The following SLC17A1 variants were observed in gnomAD, a reference collection of about 807,000 sequenced individuals.
SLC17A1 encodes the protein sodium-dependent phosphate transport protein 1.
In SLC17A1, 51 loss-of-function variants were observed where a neutral mutation model predicts 53.5. That is an observed-to-expected ratio of 0.95 (90% CI 0.76 to 1.20). SLC17A1 has a LOEUF of 1.20. SLC17A1 is among the 50% of genes most tolerant of loss of function. SLC17A1 has a pLI of 0.00. For missense variants in SLC17A1, 538 were observed against 568.2 expected (o/e 0.95, Z 0.54); for synonymous variants, 179 against 198.8 (o/e 0.90, Z 0.84).
chr6:25,784,393 C>CTGGTGAG (rs1445305694), intron 12 of SLC17A1, among the ~76,000 whole-genome samples: 1 of 152,154 alleles, frequency 6.6e-6, no homozygotes, highest in Non-Finnish European at 1.5e-5. Flanking sequence ...GCATCTGCTT[C>CTGGTGAG]TGGTGAGGGT....
chr6:25,819,914 T>C lies in SLC17A1; in HGVS notation c.209A>G (p.Asn70Ser). ...ATCTGGGCTCCAATTATACATAGGGTTCTAAAAGACAAGGGGGGACATGTC... is the reference window on the plus strand; with the variant it reads ...ATCTGGGCTCCAATTATACATAGGGCTCTAAAAGACAAGGGGGGACATGTC... ...STKKLLDNIK[N>S]PMYNWSPDIQ... The change falls in exon 4 of 13, where the codon AAC (asparagine) becomes AGC (serine). Residue 70 changes from asparagine (N) to serine (S), a missense_variant and splice_region_variant. Coordinates refer to ENST00000244527, the MANE Select transcript of SLC17A1 (RefSeq NM_005074.5). The C allele has an allele frequency of 6.3e-7, 1 of 1,593,454 alleles. No homozygotes were observed. Among genetic ancestry groups the C allele is most frequent in the Non-Finnish European group, 8.6e-7 (1 of 1,166,246 alleles).
the SLC17A1 span, chr6:25,726,588 T>C: frequency 3.2e-6 from 5 of 1,539,670 alleles, no homozygotes; most frequent in Admixed American, 7.6e-5. Context: ...ACTGGGCCTA[T>C]TTATAGTCTG....
intron 8 of SLC17A1, among the ~76,000 whole-genome samples, 182 bp downstream of exon 8, chr6:25,812,649 A>G (rs1764197640): frequency 6.6e-6 from 1 of 152,204 alleles, no homozygotes; most frequent in African/African-American, 2.4e-5. Flanking sequence ...TTATGTCTAC[A>G]TCAATGCCTT....
At chr6:25,731,686 A>G in the SLC17A1 span, 44 of 826,888 alleles carry the variant, frequency 5.3e-5, no homozygotes, top group African/African-American at 7.3e-4. Context: ...GGCATACTCT[A>G]TAATAAAATA....
At chr6:25,727,193 G>C in the SLC17A1 span, 1 of 1,614,164 alleles carries the variant, frequency 6.2e-7, no homozygotes, top group Non-Finnish European at 8.5e-7. Context: ...CTTCCAGAGA[G>C]ATTCAGACAG....
In SLC17A1 at chr6:25,811,700, T is replaced by G. The variant is rs1561835405; in HGVS notation, c.968A>C (p.Asp323Ala). ...ICGNLAGQLS[D>A]FFLTRNILSV... ...GAGAATATTCCTGGTCAGGAAGAAG[T>G]CTGATAACTGACCTGCTAGGTTACC... The change falls in exon 9 of 13, where the codon GAC becomes GCC. Residue 323 changes from aspartate to alanine, a missense_variant. By Grantham distance (126) the Asp-to-Ala change is moderately radical. Coordinates refer to ENST00000244527, the MANE Select transcript of SLC17A1 (RefSeq NM_005074.5). 6.2e-7 allele frequency: 1 copy of G among 1,613,744 alleles called. No individual in the cohort carries two copies. The highest frequency in any genetic ancestry group is 1.3e-5 in the African/African-American group (1 of 74,890).
chr6:25,762,025 C>A, the SLC17A1 span: 1 of 1,613,630 alleles, frequency 6.2e-7, no homozygotes, highest in Non-Finnish European at 8.5e-7. Flanking sequence ...GCAATTTAAA[C>A]GTGGCTCAAG....
At chr6:25,740,125 C>T in the SLC17A1 span, among the ~76,000 whole-genome samples, 1 of 152,054 alleles carries the variant, frequency 6.6e-6, no homozygotes, top group African/African-American at 2.4e-5. Flanking sequence ...AACTCATATC[C>T]ATTAGTTACT....
At chr6:25,740,815 T>C in the SLC17A1 span, among the ~76,000 whole-genome samples, 3 of 152,222 alleles carry the variant, frequency 2.0e-5, no homozygotes, top group South Asian at 6.2e-4. Flanking sequence ...AAAAATGTGC[T>C]ATATATGCAC....
chr6:25,775,342 T>A, the SLC17A1 span, among the ~76,000 whole-genome samples: 136,254 of 150,622 alleles, frequency 0.9, 61,643 homozygotes, highest in East Asian at 0.98. Context: ...AAAAAAAAAA[T>A]AGAAAGACTG....
chr6:25,726,073 T>TGAAAA, the SLC17A1 span: 2 of 1,456,220 alleles, frequency 1.4e-6, no homozygotes, highest in Non-Finnish European at 1.8e-6. Context: ...TAGGTGGCTC[T>TGAAAA]GAAAAGAGCC....
chr6:25,782,677 T>C (rs1763292105), downstream of SLC17A1, among the ~76,000 whole-genome samples: 1 of 152,300 alleles, frequency 6.6e-6, no homozygotes, highest in South Asian at 2.1e-4. Flanking sequence ...AAGCCAACCC[T>C]AGCCTCTCCC....
In SLC17A1 at chr6:25,811,640, G is replaced by A; in HGVS notation, c.1028C>T (p.Ala343Val). The A allele has an allele frequency of 3.1e-6, 5 of 1,613,924 alleles. No individual in the cohort carries two copies. Among genetic ancestry groups the A allele is most frequent in the Non-Finnish European group, 4.2e-6 (5 of 1,179,864 alleles). The change falls in exon 9 of 13, where the codon GCA becomes GTA. Residue 343 changes from alanine (A) to valine (V), a missense_variant and splice_region_variant. Physicochemically the swap from Ala to Val is moderately conservative, Grantham distance 64 (BLOSUM62 0). Transcript: ENST00000244527. ...VIAVRKLFTA[A>V]GFLLPAIFGV... is the part of the protein sequence containing the mutation. The stretch of plus-strand genomic sequence containing the variant: ...TAAATGTTCTGGCTGTTGCTTACCT[G>A]CTGCTGTGAAGAGTTTCCGGACAGC...
chr6:25,780,316 A>T (rs552949580), downstream of SLC17A1: 2 of 152,238 alleles, frequency 1.3e-5, no homozygotes, highest in South Asian at 2.1e-4. Context: ...ACACAAGTGA[A>T]TATGTAATAA....
intron 5 of SLC17A1, 118 bp from the exon 6 acceptor site, chr6:25,819,272 C>T: frequency 1.4e-6 from 1 of 719,500 alleles, no homozygotes; most frequent in South Asian, 2.0e-5. Flanking sequence ...TATCATAACA[C>T]AAACATCAGA....
chr6:25,763,808 G>A, the SLC17A1 span, among the ~76,000 whole-genome samples: 8 of 152,210 alleles, frequency 5.3e-5, no homozygotes, highest in East Asian at 1.9e-4. Flanking sequence ...GGGCCAGGCT[G>A]TAGACAGACA....
rs545829602 is a variant in SLC17A1, at chr6:25,814,755, G to A, written c.617-1542C>T. 6.6e-5 allele frequency among the ~76,000 whole-genome samples: 10 copies of A among 152,196 alleles called. No individual in the cohort carries two copies. The South Asian group carries it at 1.0e-3, about 16-fold the overall frequency. ...TCCCAGCACTTTGGAAGGCCGAGGC[G>A]GGCGGATCACGTGAGGTCAGGAGTT... is the stretch of plus-strand genomic sequence containing the variant. On this transcript the variant is annotated intron_variant, in intron 6 of 12. Coordinates refer to ENST00000244527, the MANE Select transcript of SLC17A1 (RefSeq NM_005074.5).
intron 12 of SLC17A1, among the ~76,000 whole-genome samples, chr6:25,785,880 G>A (rs898410465): frequency 6.6e-6 from 1 of 152,182 alleles, no homozygotes; most frequent in Non-Finnish European, 1.5e-5. Flanking sequence ...TGGTGAGAAT[G>A]TAAAATAGTC....
chr6:25,736,794 T>C, the SLC17A1 span, among the ~76,000 whole-genome samples: 1 of 152,294 alleles, frequency 6.6e-6, no homozygotes, highest in Non-Finnish European at 1.5e-5. Flanking sequence ...ACAGTAAAAA[T>C]AAAATTAACA....
Sources: gnomAD v4.1 joint callset for allele counts (sites outside exome capture counted in the v4.1 genomes callset) on GRCh38, gnomAD v4.1.1 for gene constraint, MANE v1.5 for transcripts, NCBI Gene and HGNC (gene_info 2026-07-23, HGNC 2026-07-21) for gene names.